The following SYT2 variants were observed in gnomAD, a reference collection of about 807,000 sequenced individuals.
SYT2 encodes the protein synaptotagmin 2.
A neutral mutation model predicts 39.9 loss-of-function variants in SYT2; 15 were observed. The observed-to-expected ratio is 0.38, with a 90% CI of 0.25 to 0.58. The LOEUF (loss-of-function observed/expected upper bound fraction) is 0.58. SYT2 is among the 20% of genes least tolerant of loss of function. The pLI is 0.70. For synonymous variants in SYT2, 181 were observed against 204.5 expected (o/e 0.89, Z 0.98); for missense variants, 389 against 530.3 (o/e 0.73, Z 2.62).
At chr1:202,661,001 C>A (rs1692367564) in intron 1 of SYT2, among the ~76,000 whole-genome samples, 1 of 152,206 alleles carries the variant, frequency 6.6e-6, no homozygotes, top group African/African-American at 2.4e-5. Flanking sequence ...GTCACTTAAT[C>A]ATTCAGCACA....
intron 1 of SYT2, among the ~76,000 whole-genome samples, chr1:202,662,085 C>T (rs1046375175): frequency 1.1e-4 from 17 of 152,322 alleles, no homozygotes; most frequent in African/African-American, 3.4e-4. Context: ...AGGAGGGTGC[C>T]AACCTGGCCC....
chr1:202,608,441 T>C (rs1300021172), intron 1 of SYT2, among the ~76,000 whole-genome samples: 1 of 152,102 alleles, frequency 6.6e-6, no homozygotes, highest in Non-Finnish European at 1.5e-5. Context: ...CACACCAAGC[T>C]AATTTTTTAA....
intron 1 of SYT2, among the ~76,000 whole-genome samples, chr1:202,667,765 T>G (rs1445266853): frequency 1.3e-5 from 2 of 152,064 alleles, no homozygotes; most frequent in Non-Finnish European, 2.9e-5. Context: ...CAGGCTGGAG[T>G]GCAGTGGCAT....
chr1:202,626,420 T>C (rs1275989487), intron 1 of SYT2, among the ~76,000 whole-genome samples: 1 of 144,752 alleles, frequency 6.9e-6, no homozygotes, highest in Non-Finnish European at 1.5e-5. Flanking sequence ...TTTTTTTTTT[T>C]TTTTTTGAGA....
chr1:202,598,497 T>C (rs1419507971), intron 8 of SYT2, among the ~76,000 whole-genome samples: 1 of 152,232 alleles, frequency 6.6e-6, no homozygotes, highest in African/African-American at 2.4e-5. Flanking sequence ...GAAGATTCTC[T>C]TGTACCCTTG....
rs745806917 is a variant in SYT2, at chr1:202,604,518, GTTCTTC to G, written c.276_281del (p.Lys92_Lys93del). 3.8e-5 allele frequency: 62 copies of G among 1,613,986 alleles called. No individual in the cohort carries two copies. In the Admixed American group the frequency reaches 8.3e-4, roughly 22 times the overall value. On this transcript the variant is annotated inframe_deletion, in exon 3 of 9. Coordinates refer to ENST00000367268, the MANE Select transcript of SYT2 (RefSeq NM_177402.5). ...TCATGCCTTTGCCCTTCTCCTTCTT[GTTCTTC>G]TTCTTCTTGCAGCAGCATTTCTTGC...
At chr1:202,608,106 C>G (rs370929790) in intron 1 of SYT2, among the ~76,000 whole-genome samples, 33 of 152,290 alleles carry the variant, frequency 2.2e-4, no homozygotes, top group African/African-American at 7.9e-4. Flanking sequence ...CTTTCTGACT[C>G]TATAGATTTG....
intron 1 of SYT2, among the ~76,000 whole-genome samples, chr1:202,616,207 C>A (rs1691027282): frequency 6.6e-6 from 1 of 152,208 alleles, no homozygotes; most frequent in Admixed American, 6.5e-5. Flanking sequence ...AGCGAGAAAT[C>A]TCTCAAAATG....
chr1:202,633,191 T>C (rs1304999354), intron 1 of SYT2, among the ~76,000 whole-genome samples: 2 of 152,120 alleles, frequency 1.3e-5, no homozygotes, highest in African/African-American at 2.4e-5. Context: ...CTAGCTCAAA[T>C]ACTGATCCCT....
At chr1:202,700,084 AG>A (rs1654074473) in intron 1 of SYT2, among the ~76,000 whole-genome samples, 1 of 152,100 alleles carries the variant, frequency 6.6e-6, no homozygotes, top group Non-Finnish European at 1.5e-5. Context: ...GGGACAGTCA[AG>A]GGGGACTCTC....
intron 1 of SYT2, among the ~76,000 whole-genome samples, chr1:202,656,556 A>G (rs1471743280): frequency 1.3e-5 from 2 of 152,184 alleles, no homozygotes; most frequent in Non-Finnish European, 2.9e-5. Context: ...AACCTCTCTA[A>G]GGCTCATTGT....
At chr1:202,611,114 G>T (rs1690873736) in intron 1 of SYT2, among the ~76,000 whole-genome samples, 1 of 152,152 alleles carries the variant, frequency 6.6e-6, no homozygotes, top group Non-Finnish European at 1.5e-5. Flanking sequence ...GTTTTGATTT[G>T]CATTTCCCTG....
At chr1:202,636,387 G>A (rs932420901) in intron 1 of SYT2, 10 of 985,292 alleles carry the variant, frequency 1.0e-5, no homozygotes, top group Non-Finnish European at 1.2e-5. Flanking sequence ...AGAGCAGGGA[G>A]AGGGAGAGGC....
In SYT2 at chr1:202,596,677, T is replaced by C. The variant is rs73087556; in HGVS notation, c.*80A>G. On this transcript the variant is annotated 3_prime_UTR_variant, in exon 9 of 9. Coordinates refer to ENST00000367268, the MANE Select transcript of SYT2 (RefSeq NM_177402.5). ...CAAATGAAAGAAAAAAGAAAACCTC[T>C]AAGGTTGCATAACTGAGGTATTGAT... The C allele has an allele frequency of 3.7e-4, 491 of 1,342,664 alleles. 2 individuals are homozygous for C. In the African/African-American group the frequency reaches 6.4e-3, roughly 18 times the overall value. The allele number at this position is 1,342,664 out of a possible 1,614,324, so 83.2% of individuals were successfully genotyped here.
intron 1 of SYT2, among the ~76,000 whole-genome samples, chr1:202,640,567 C>T (rs900248228): frequency 3.9e-5 from 6 of 152,016 alleles, no homozygotes; most frequent in Non-Finnish European, 7.4e-5. Context: ...TTGGTCCATT[C>T]CTAGAAGGTT....
intron 1 of SYT2, among the ~76,000 whole-genome samples, chr1:202,701,697 T>A (rs925260626): frequency 6.6e-6 from 1 of 152,150 alleles, no homozygotes. Flanking sequence ...ATGTCAAGCA[T>A]GGGAATGGCA....
chr1:202,683,535 T>C (rs929921237), intron 1 of SYT2, among the ~76,000 whole-genome samples: 1 of 151,986 alleles, frequency 6.6e-6, no homozygotes, highest in Non-Finnish European at 1.5e-5. Flanking sequence ...ACCTAGGAAT[T>C]TGAGACTAGC....
intron 1 of SYT2, among the ~76,000 whole-genome samples, chr1:202,674,314 C>G (rs1393083637): frequency 6.6e-6 from 1 of 152,136 alleles, no homozygotes; most frequent in African/African-American, 2.4e-5. Context: ...ATTGGCCAGG[C>G]TGGTCTCGAA....
chr1:202,621,290 T>C (rs1461715805), intron 1 of SYT2, among the ~76,000 whole-genome samples: 1 of 152,006 alleles, frequency 6.6e-6, no homozygotes, highest in African/African-American at 2.4e-5. Context: ...GGTTTGTGTG[T>C]TTTTAAATTT....
Sources: gnomAD v4.1 joint callset for allele counts (sites outside exome capture counted in the v4.1 genomes callset) on GRCh38, gnomAD v4.1.1 for gene constraint, MANE v1.5 for transcripts, NCBI Gene and HGNC (gene_info 2026-07-23, HGNC 2026-07-21) for gene names.